Variants in PCDHA13 observed in about 807,000 individuals in gnomAD.
PCDHA13 encodes the protein protocadherin alpha 13.
A neutral mutation model predicts 64.8 loss-of-function variants in PCDHA13; 54 were observed. The observed-to-expected ratio is 0.83, with a 90% CI of 0.67 to 1.04. The LOEUF (loss-of-function observed/expected upper bound fraction) is 1.04, where lower values mean the gene tolerates loss of function less well. PCDHA13 is among the 50% of genes least tolerant of loss of function. PCDHA13 has a pLI of 0.00. For synonymous variants in PCDHA13, 587 were observed against 564.4 expected (o/e 1.04, Z -0.57); for missense variants, 1,248 against 1,254.3 (o/e 0.99, Z 0.08).
At chr5:141,008,502 G>A (rs539439181) in intron 3 of PCDHA13, among the ~76,000 whole-genome samples, 2 of 152,110 alleles carry the variant, frequency 1.3e-5, no homozygotes, top group South Asian at 4.2e-4. Context: ...TATACTTTAT[G>A]GTGTGTCTTC....
intron 3 of PCDHA13, among the ~76,000 whole-genome samples, chr5:140,996,976 G>A (rs573896136): frequency 2.6e-5 from 4 of 152,078 alleles, no homozygotes; most frequent in East Asian, 3.9e-4. Flanking sequence ...CTCCCCTTTG[G>A]TGAAGCAACC....
At chr5:140,919,488 T>C (rs149191060) in intron 1 of PCDHA13, among the ~76,000 whole-genome samples, 58 of 152,320 alleles carry the variant, frequency 3.8e-4, no homozygotes, top group African/African-American at 1.3e-3. Context: ...TTTATGTTTG[T>C]TATTTTACTC....
chr5:140,892,943 AC>A (rs2063750109), intron 1 of PCDHA13, among the ~76,000 whole-genome samples: 1 of 152,088 alleles, frequency 6.6e-6, no homozygotes, highest in South Asian at 2.1e-4. Flanking sequence ...TAAGCACAAT[AC>A]TACTTCCATG....
intron 1 of PCDHA13, among the ~76,000 whole-genome samples, chr5:140,901,201 G>A (rs2068505084): frequency 6.6e-6 from 1 of 152,038 alleles, no homozygotes; most frequent in Admixed American, 6.6e-5. Context: ...CTGTGCAGAA[G>A]GTTTTTAAGT....
rs562257406 is a variant in PCDHA13 at position 140,883,263 on chromosome 5, G to A, written c.995G>A (p.Gly332Asp). 5.0e-6 allele frequency: 8 copies of A among 1,613,870 alleles called. No individual in the cohort carries two copies. The Admixed American group carries it at 6.7e-5, about 13-fold the overall frequency. ...GACAAAGGAAATATTCCAATGGCGG[G>A]TCATTGTACCCTTTTGGTGGAAGTA... ...AVDKGNIPMA[G>D]HCTLLVEVLD... Residue 332 changes from glycine (G) to aspartate (D), a missense_variant, in exon 1 of 4, where the codon GGT (glycine) becomes GAT (aspartate). Physicochemically the swap from Gly to Asp is moderately conservative, Grantham distance 94. Transcript: ENST00000289272.
intron 3 of PCDHA13, among the ~76,000 whole-genome samples, chr5:140,991,069 G>T (rs1156985445): frequency 6.6e-6 from 1 of 152,136 alleles, no homozygotes; most frequent in Non-Finnish European, 1.5e-5. Flanking sequence ...TTATTCCCAT[G>T]TTTCAGATAA....
chr5:140,939,733 C>T (rs1433987863), intron 1 of PCDHA13, among the ~76,000 whole-genome samples: 2 of 152,162 alleles, frequency 1.3e-5, no homozygotes, highest in Non-Finnish European at 2.9e-5. Flanking sequence ...TTGTGTGTAG[C>T]TGTGTATCAT....
chr5:140,997,071 A>G lies in PCDHA13; in HGVS notation c.2543-12556A>G, dbSNP rs554920320. Among the ~76,000 whole-genome samples, 444 of 152,266 alleles carry G rather than the reference A, an allele frequency of 2.9e-3. 5 individuals carry two copies. Among genetic ancestry groups the G allele is most frequent in the Non-Finnish European group, 4.4e-3 (297 of 68,014 alleles). Reference sequence around the variant, plus strand: ...TTTAGAGCAGTTTTAGGTTCACAGGAAAGTTGAGTAGAAAGTGCAGAGTTC... The same window carrying G: ...TTTAGAGCAGTTTTAGGTTCACAGGGAAGTTGAGTAGAAAGTGCAGAGTTC... On this transcript the variant is annotated intron_variant, in intron 3 of 3. Coordinates refer to ENST00000289272, the MANE Select transcript of PCDHA13 (RefSeq NM_018904.3).
intron 1 of PCDHA13, 169 bp downstream of exon 1, chr5:140,884,831 ATCCT>A: frequency 1.1e-6 from 1 of 939,722 alleles, no homozygotes; most frequent in Non-Finnish European, 1.5e-6. Flanking sequence ...GTGTTGGATT[ATCCT>A]TCAGAGTGAA....
chr5:140,991,003 A>C (rs1228444549), intron 3 of PCDHA13, among the ~76,000 whole-genome samples: 1 of 152,190 alleles, frequency 6.6e-6, no homozygotes, highest in East Asian at 1.9e-4. Flanking sequence ...ATTTATTGAG[A>C]ACTGTGATAA....
chr5:140,927,688 G>T (rs2084510856), intron 1 of PCDHA13: 1 of 1,613,944 alleles, frequency 6.2e-7, no homozygotes, highest in African/African-American at 1.3e-5. Flanking sequence ...AGGGTCCAAT[G>T]GGGAAGTCCA....
chr5:140,912,445 A>C (rs1165607499), intron 1 of PCDHA13, among the ~76,000 whole-genome samples: 1 of 151,772 alleles, frequency 6.6e-6, no homozygotes, highest in African/African-American at 2.4e-5. Flanking sequence ...ATTTGTGTGC[A>C]TTGATTTTGT....
chr5:140,924,472 G>A (rs938412564), intron 1 of PCDHA13, among the ~76,000 whole-genome samples: 1 of 152,188 alleles, frequency 6.6e-6, no homozygotes, highest in African/African-American at 2.4e-5. Flanking sequence ...GAGGTAACTG[G>A]TTTTTAGTGG....
chr5:140,902,203 C>CTTTTTTTT (rs148688132), intron 1 of PCDHA13, among the ~76,000 whole-genome samples: 9 of 124,444 alleles, frequency 7.2e-5, no homozygotes, highest in Non-Finnish European at 8.4e-5. Context: ...CTCTCTCTTT[C>CTTTTTTTT]TTTTTTTTTT....
At chr5:140,908,822 C>G (rs2074167872) in intron 1 of PCDHA13, among the ~76,000 whole-genome samples, 1 of 152,136 alleles carries the variant, frequency 6.6e-6, no homozygotes, top group African/African-American at 2.4e-5. Flanking sequence ...TTTTGGGTTA[C>G]TCGATAAATG....
At chr5:140,961,876 T>G (rs929753490) in intron 1 of PCDHA13, among the ~76,000 whole-genome samples, 1 of 151,746 alleles carries the variant, frequency 6.6e-6, no homozygotes, top group South Asian at 2.1e-4. Context: ...ATAATTGACT[T>G]ACTTACATCA....
At chr5:140,966,677 A>C in intron 1 of PCDHA13, 1 of 1,313,088 alleles carries the variant, frequency 7.6e-7, no homozygotes, top group Non-Finnish European at 9.8e-7. Flanking sequence ...GCAGGGTGGC[A>C]CGAGCGGAGG....
At chr5:140,886,623 C>T (rs1273600111) in intron 1 of PCDHA13, among the ~76,000 whole-genome samples, 39 of 151,848 alleles carry the variant, frequency 2.6e-4, no homozygotes, top group Admixed American at 2.4e-3. Flanking sequence ...ATCAGGAGTC[C>T]GAGACCAGCC....
chr5:140,967,887 T>G, intron 1 of PCDHA13: 1 of 1,614,078 alleles, frequency 6.2e-7, no homozygotes, highest in Non-Finnish European at 8.5e-7. Flanking sequence ...TATAGCCCAG[T>G]GCCTGAGAAT....
Sources: gnomAD v4.1 joint callset for allele counts (sites outside exome capture counted in the v4.1 genomes callset) on GRCh38, gnomAD v4.1.1 for gene constraint, MANE v1.5 for transcripts, NCBI Gene and HGNC (gene_info 2026-07-23, HGNC 2026-07-21) for gene names.